The following FMN2 variants were observed in gnomAD, a reference collection of about 807,000 sequenced individuals.
FMN2 encodes the protein formin-2.
FMN2 carries 51 observed loss-of-function variants against 142.3 expected under a neutral mutation model. That is an observed-to-expected ratio of 0.36 (90% confidence interval 0.29 to 0.45). FMN2 has a LOEUF of 0.45. Ranked by LOEUF, FMN2 falls within the 20% of genes least tolerant of loss-of-function variation. The pLI is 1.00. For synonymous variants in FMN2, 882 were observed against 869.8 expected (o/e 1.01, Z -0.25); for missense variants, 1,936 against 2,122.8 (o/e 0.91, Z 1.73).
chr1:240,380,602 C>T (rs1414104815), intron 14 of FMN2, among the ~76,000 whole-genome samples: 3 of 151,576 alleles, frequency 2.0e-5, no homozygotes, highest in Middle Eastern at 3.4e-3. Context: ...CTAAGAGGAA[C>T]GTTTATAGCA....
intron 15 of FMN2, among the ~76,000 whole-genome samples, chr1:240,416,442 A>G (rs1674579224): frequency 6.6e-6 from 1 of 151,912 alleles, no homozygotes; most frequent in African/African-American, 2.4e-5. Context: ...GCTAATTTTT[A>G]TATTTTTAGT....
intron 14 of FMN2, among the ~76,000 whole-genome samples, chr1:240,365,240 CAT>C (rs766484518): frequency 2.8e-5 from 3 of 107,742 alleles, no homozygotes; most frequent in Non-Finnish European, 5.4e-5. Flanking sequence ...TATATATACA[CAT>C]ATACATACAT....
At chr1:240,139,432 C>T (rs1026121497) in intron 2 of FMN2, among the ~76,000 whole-genome samples, 2 of 152,130 alleles carry the variant, frequency 1.3e-5, no homozygotes, top group Admixed American at 1.3e-4. Flanking sequence ...AGATTGACGA[C>T]TCTTCAGTGT....
At chr1:240,388,227 CAAAAAAAAAAA>C (rs761610582) in intron 14 of FMN2, among the ~76,000 whole-genome samples, 4 of 6,054 alleles carry the variant, frequency 6.6e-4, no homozygotes, top group African/African-American at 1.7e-3. Context: ...GTGCTCAAAG[CAAAAAAAAAAA>C]AAAAAAAAAA....
intron 15 of FMN2, among the ~76,000 whole-genome samples, chr1:240,414,768 AAAC>A (rs1674521963): frequency 6.6e-6 from 1 of 152,218 alleles, no homozygotes; most frequent in Non-Finnish European, 1.5e-5. Context: ...AAACAGATGA[AAAC>A]AACACAAATG....
intron 4 of FMN2, among the ~76,000 whole-genome samples, chr1:240,200,233 G>T (rs1398964170): frequency 6.6e-6 from 1 of 152,190 alleles, no homozygotes; most frequent in Non-Finnish European, 1.5e-5. Flanking sequence ...TCCACTTTGT[G>T]TGGGTCCTGA....
chr1:240,362,698 G>A (rs1474883403), intron 14 of FMN2, among the ~76,000 whole-genome samples: 2 of 152,100 alleles, frequency 1.3e-5, no homozygotes, highest in African/African-American at 2.4e-5. Context: ...GGCCTTCAGT[G>A]CTCCCTTAGT....
intron 16 of FMN2, 27 bp downstream of exon 16, chr1:240,438,237 A>G (rs1572313263): frequency 6.3e-7 from 1 of 1,599,102 alleles, no homozygotes; most frequent in Non-Finnish European, 8.5e-7. Context: ...GCACAATGGC[A>G]TTTTAAAACT....
At chr1:240,243,428 G>A (rs983434124) in intron 6 of FMN2, among the ~76,000 whole-genome samples, 6 of 152,170 alleles carry the variant, frequency 3.9e-5, no homozygotes, top group Admixed American at 3.3e-4. Flanking sequence ...AAATTCCCAA[G>A]GGGCAGGAGT....
Position 240,474,325 on chromosome 1 carries a change from C to A in FMN2, c.*171C>A. On this transcript the variant is annotated 3_prime_UTR_variant, in exon 18 of 18. Coordinates refer to ENST00000319653, the MANE Select transcript of FMN2 (RefSeq NM_020066.5). ...TAATTGTTGAATTTTACTGTATATT[C>A]ATATAAAAATGCAAACGTACTAGAC... is the stretch of plus-strand genomic sequence containing the variant. 1 of 601,924 alleles carries A rather than the reference C, an allele frequency of 1.7e-6. No homozygotes were observed. Among genetic ancestry groups the A allele is most frequent in the Non-Finnish European group, 2.7e-6 (1 of 364,364 alleles). 37.3% of individuals were successfully genotyped at this position (601,924 alleles called of 1,614,324 possible).
chr1:240,231,500 T>C (rs1667522022), intron 6 of FMN2, among the ~76,000 whole-genome samples: 1 of 152,102 alleles, frequency 6.6e-6, no homozygotes, highest in South Asian at 2.1e-4. Flanking sequence ...AAGCAAATTA[T>C]ACCATCGGCT....
At chr1:240,374,056 G>C (rs1317572536) in intron 14 of FMN2, among the ~76,000 whole-genome samples, 8 of 152,144 alleles carry the variant, frequency 5.3e-5, no homozygotes, top group Non-Finnish European at 1.2e-4. Flanking sequence ...CTCCATCAGA[G>C]CTTTTGGGTG....
intron 1 of FMN2, among the ~76,000 whole-genome samples, chr1:240,116,364 T>A (rs2103205000): frequency 6.6e-6 from 1 of 152,132 alleles, no homozygotes; most frequent in South Asian, 2.1e-4. Context: ...CTGGGCGAGA[T>A]TATGGGAGAG....
At chr1:240,257,121 C>T (rs542697152) in intron 6 of FMN2, among the ~76,000 whole-genome samples, 17 of 152,134 alleles carry the variant, frequency 1.1e-4, no homozygotes, top group Non-Finnish European at 2.1e-4. Flanking sequence ...GCCCCTCACA[C>T]GATCAGGCCT....
chr1:240,281,390 C>T (rs1669391406), intron 7 of FMN2, among the ~76,000 whole-genome samples: 1 of 152,054 alleles, frequency 6.6e-6, no homozygotes, highest in South Asian at 2.1e-4. Context: ...TTTCTTCCTT[C>T]CTAGGACATA....
At chr1:240,343,748 C>T (rs902047028) in intron 13 of FMN2, among the ~76,000 whole-genome samples, 1 of 152,138 alleles carries the variant, frequency 6.6e-6, no homozygotes, top group East Asian at 1.9e-4. Flanking sequence ...TTGCAGCAAT[C>T]TGACATGATT....
chr1:240,375,431 G>A (rs116268472), intron 14 of FMN2, among the ~76,000 whole-genome samples: 21 of 152,274 alleles, frequency 1.4e-4, no homozygotes, highest in Non-Finnish European at 2.9e-4. Context: ...AATAAAAGCA[G>A]GTATACCTGC....
At chr1:240,409,877 G>T (rs1674338348) in intron 15 of FMN2, among the ~76,000 whole-genome samples, 1 of 151,826 alleles carries the variant, frequency 6.6e-6, no homozygotes, top group African/African-American at 2.4e-5. Flanking sequence ...TGTATTTCAG[G>T]GTCAAAATGT....
At chr1:240,144,499 CTG>C (rs1663346949) in intron 2 of FMN2, 1 of 1,536,108 alleles carries the variant, frequency 6.5e-7, no homozygotes, top group Non-Finnish European at 9.0e-7. Context: ...TGAATGCCAT[CTG>C]TTTCTGTACT....
Sources: allele counts gnomAD v4.1 joint callset (sites outside exome capture counted in the v4.1 genomes callset), GRCh38; gene constraint gnomAD v4.1.1; transcripts MANE v1.5; gene names NCBI Gene and HGNC (gene_info 2026-07-23, HGNC 2026-07-21).